The following CPEB4 variants were observed in gnomAD, a reference collection of about 807,000 sequenced individuals.
The protein encoded by CPEB4 is cytoplasmic polyadenylation element binding protein 4.
In CPEB4, 12 loss-of-function variants were observed where a neutral mutation model predicts 72.5. The observed-to-expected ratio is 0.17, with a 90% CI of 0.11 to 0.27. The LOEUF (loss-of-function observed/expected upper bound fraction) is 0.27. Among genes scored for constraint, CPEB4 ranks in the 10% least tolerant of loss-of-function variants. CPEB4 has a pLI of 1.00. For synonymous variants in CPEB4, 302 were observed against 326.3 expected (o/e 0.93, Z 0.80); for missense variants, 614 against 908.5 (o/e 0.68, Z 4.17).
chr5:173,890,949 A>T (rs1387668020), intron 1 of CPEB4, 91 bp downstream of exon 1: 23 of 1,199,412 alleles, frequency 1.9e-5, no homozygotes, highest in Non-Finnish European at 1.2e-6. Context: ...GCCCGTATTC[A>T]CATCAGAGCT....
intron 2 of CPEB4, among the ~76,000 whole-genome samples, chr5:173,930,973 A>G (rs935724356): frequency 1.4e-5 from 2 of 141,692 alleles, no homozygotes; most frequent in Admixed American, 1.4e-4. Flanking sequence ...CCTTGGAGAC[A>G]GAGTGAGACT....
At chr5:173,941,542 G>A (rs1757841494) in intron 3 of CPEB4, among the ~76,000 whole-genome samples, 1 of 152,130 alleles carries the variant, frequency 6.6e-6, no homozygotes, top group South Asian at 2.1e-4. Flanking sequence ...TAAAAACCTT[G>A]ACCAGTTTGT....
intron 1 of CPEB4, among the ~76,000 whole-genome samples, chr5:173,896,826 G>A (rs1756032279): frequency 3.3e-5 from 5 of 152,154 alleles, no homozygotes. Flanking sequence ...TTGGGAGGCC[G>A]AGGTGGACGG....
rs372725821 is a variant in CPEB4, at chr5:173,930,978, G to A, written c.1208-1472G>A. The stretch of plus-strand genomic sequence containing the variant: ...TGCACTCCAGCCTTGGAGACAGAGT[G>A]AGACTCTGTCTCAAAAAAAAAAAAA... On this transcript the variant is annotated intron_variant, in intron 2 of 9. Transcript: ENST00000265085. 6.7e-4 allele frequency among the ~76,000 whole-genome samples: 80 copies of A among 120,242 alleles called. 1 individual carries two copies. In the South Asian group the frequency reaches 0.024, roughly 36 times the overall value. 78.9% of individuals were successfully genotyped at this position (120,242 alleles called of 152,430 possible).
intron 1 of CPEB4, among the ~76,000 whole-genome samples, chr5:173,906,560 G>C (rs1486723149): frequency 6.6e-6 from 1 of 152,184 alleles, no homozygotes; most frequent in Admixed American, 6.5e-5. Flanking sequence ...TGAAGTACTT[G>C]TGTCATCGGA....
chr5:173,903,709 T>A (rs1581115213), intron 1 of CPEB4, among the ~76,000 whole-genome samples: 1 of 152,228 alleles, frequency 6.6e-6, no homozygotes, highest in East Asian at 1.9e-4. Context: ...TTTTTCCTGA[T>A]AGGAACAGAC....
chr5:173,955,166 T>A lies in CPEB4; in HGVS notation c.1963-744T>A, dbSNP rs1758338167. On this transcript the variant is annotated intron_variant, in intron 9 of 9. Transcript: ENST00000265085. This position sits in a 1 kb window ranked among gnomAD's most constrained non-coding sequence, Gnocchi z 4.7. ...AACCAGCTCTTTTCTAGCTGATGAA[T>A]TAATAACCAGGTGACTGTTAATGCT... is the stretch of plus-strand genomic sequence containing the variant. Among the ~76,000 whole-genome samples, 1 of 152,194 alleles carries A rather than the reference T, an allele frequency of 6.6e-6. No homozygotes were observed. The highest frequency in any genetic ancestry group is 2.1e-4 in the South Asian group (1 of 4,830).
chr5:173,913,306 T>C (rs1441970871), intron 2 of CPEB4, among the ~76,000 whole-genome samples: 1 of 152,004 alleles, frequency 6.6e-6, no homozygotes, highest in East Asian at 1.9e-4. Context: ...CAAGCAATTC[T>C]CCTGTCTCAG....
intron 2 of CPEB4, among the ~76,000 whole-genome samples, chr5:173,928,341 A>G (rs996394267): frequency 6.6e-6 from 1 of 152,196 alleles, no homozygotes; most frequent in East Asian, 1.9e-4. Context: ...AGTTTTTGCC[A>G]TCAACCTATA....
intron 3 of CPEB4, among the ~76,000 whole-genome samples, chr5:173,934,651 A>G (rs963963181): frequency 1.3e-5 from 2 of 152,176 alleles, no homozygotes; most frequent in African/African-American, 4.8e-5. Context: ...ACCAGATGCC[A>G]ATTTATTCAT....
chr5:173,943,264 A>G (rs1366553176), intron 4 of CPEB4, among the ~76,000 whole-genome samples: 1 of 152,180 alleles, frequency 6.6e-6, no homozygotes, highest in Non-Finnish European at 1.5e-5. Flanking sequence ...TTGGATTTGA[A>G]TCAAAATGAT....
intron 2 of CPEB4, among the ~76,000 whole-genome samples, chr5:173,922,430 C>T (rs1016092597): frequency 6.6e-6 from 1 of 152,032 alleles, no homozygotes; most frequent in Non-Finnish European, 1.5e-5. Flanking sequence ...GGGGCTTTGC[C>T]ATGTTGCCTA....
chr5:173,892,665 T>C (rs1755854319), intron 1 of CPEB4, among the ~76,000 whole-genome samples: 1 of 152,290 alleles, frequency 6.6e-6, no homozygotes, highest in Non-Finnish European at 1.5e-5. Context: ...TACTGACTTT[T>C]GTTAAGATTG....
intron 2 of CPEB4, among the ~76,000 whole-genome samples, chr5:173,917,624 G>T (rs879537717): frequency 6.6e-6 from 1 of 152,228 alleles, no homozygotes; most frequent in Non-Finnish European, 1.5e-5. Flanking sequence ...TACTTGGGAG[G>T]CTGAGGCAGG....
chr5:173,946,837 T>C (rs1758029999), intron 5 of CPEB4, among the ~76,000 whole-genome samples: 2 of 152,132 alleles, frequency 1.3e-5, no homozygotes, highest in African/African-American at 4.8e-5. Context: ...ACTGACATTG[T>C]TCCCTGTTTA....
At chr5:173,952,487 A>G (rs888977250) in intron 8 of CPEB4, among the ~76,000 whole-genome samples, 7 of 152,240 alleles carry the variant, frequency 4.6e-5, no homozygotes, top group African/African-American at 1.7e-4. Context: ...TTGAGGTTTA[A>G]TAATATACAT....
At chr5:173,935,544 C>T (rs183889867) in intron 3 of CPEB4, among the ~76,000 whole-genome samples, 178 of 152,228 alleles carry the variant, frequency 1.2e-3, no homozygotes, top group African/African-American at 4.0e-3. Flanking sequence ...GCTTTTTCTT[C>T]CAAGTTATCT....
At chr5:173,918,903 C>T (rs889589014) in intron 2 of CPEB4, among the ~76,000 whole-genome samples, 2 of 152,008 alleles carry the variant, frequency 1.3e-5, no homozygotes, top group African/African-American at 4.8e-5. Flanking sequence ...TATTTTGAGG[C>T]CATGAAAATC....
In CPEB4 at chr5:173,956,155, C is replaced by T. The variant is rs1337861082; in HGVS notation, c.*18C>T. On this transcript the variant is annotated 3_prime_UTR_variant, in exon 10 of 10. Transcript: ENST00000265085. The stretch of plus-strand genomic sequence containing the variant: ...GGAACTAAAGGATAACTGCAGTGCT[C>T]ATTTTCAGGCCTCAGAATAAGTGCA... 2 of 1,595,950 alleles carry T rather than the reference C, an allele frequency of 1.3e-6. No individual in the cohort carries two copies. The highest frequency in any genetic ancestry group is 1.7e-5 in the Admixed American group (1 of 59,940).
Sources: allele counts gnomAD v4.1 joint callset (sites outside exome capture counted in the v4.1 genomes callset), GRCh38; gene constraint gnomAD v4.1.1; non-coding constraint Gnocchi (gnomAD v3.1); transcripts MANE v1.5; gene names NCBI Gene and HGNC (gene_info 2026-07-23, HGNC 2026-07-21).